Variants in SPATS2L observed in about 807,000 individuals in gnomAD.
SPATS2L encodes spermatogenesis associated serine rich 2 like.
SPATS2L carries 30 observed loss-of-function variants against 59.6 expected under a neutral mutation model. That is an observed-to-expected ratio of 0.50 (90% CI 0.38 to 0.68). The LOEUF (loss-of-function observed/expected upper bound fraction) is 0.68, where lower values mean the gene tolerates loss of function less well. SPATS2L is among the 30% of genes least tolerant of loss of function. The pLI is 0.00. For synonymous variants in SPATS2L, 252 were observed against 263.5 expected (o/e 0.96, Z 0.42); for missense variants, 615 against 700.0 (o/e 0.88, Z 1.37).
intron 8 of SPATS2L, among the ~76,000 whole-genome samples, chr2:200,449,087 A>G (rs986181756): frequency 6.6e-6 from 1 of 152,200 alleles, no homozygotes; most frequent in African/African-American, 2.4e-5. Flanking sequence ...TATATTTCAA[A>G]TCTTGCCTCA....
At position 200,306,855 on chromosome 2, in the gene SPATS2L, C is replaced by G; in HGVS notation, c.-140C>G. ...AGGGGCCGCCACCGCCGCGGCGCCT[C>G]CCCTGGCGACCGCGCCCCCGGGCCC... On this transcript the variant is annotated 5_prime_UTR_variant, in exon 1 of 13. Transcript: ENST00000409140. 17 of 980,868 alleles carry G rather than the reference C, an allele frequency of 1.7e-5. No homozygotes were observed. Among genetic ancestry groups the G allele is most frequent in the South Asian group, 4.7e-5 (1 of 21,272 alleles). The allele number at this position is 980,868 out of a possible 1,614,324, so 60.8% of individuals were successfully genotyped here.
intron 12 of SPATS2L, 138 bp from the exon 13 acceptor site, chr2:200,477,498 C>T (rs2087618720): frequency 7.0e-6 from 4 of 575,448 alleles, no homozygotes; most frequent in Admixed American, 5.1e-5. Flanking sequence ...TTCATGTTTT[C>T]TGATTCTTCT....
At chr2:200,391,280 C>T (rs1163026772) in intron 3 of SPATS2L, among the ~76,000 whole-genome samples, 3 of 152,134 alleles carry the variant, frequency 2.0e-5, no homozygotes, top group Non-Finnish European at 2.9e-5. Flanking sequence ...AATGGTTGTC[C>T]GTCATTACTT....
intron 8 of SPATS2L, among the ~76,000 whole-genome samples, chr2:200,451,904 G>A (rs1188494259): frequency 6.6e-6 from 1 of 151,898 alleles, no homozygotes; most frequent in African/African-American, 2.4e-5. Flanking sequence ...AGACAAAGGG[G>A]CATTTTGCTT....
upstream of SPATS2L, chr2:200,306,454 G>C (rs1227285382): frequency 1.0e-6 from 1 of 1,002,334 alleles, no homozygotes; most frequent in Non-Finnish European, 1.2e-6. Flanking sequence ...CTAGAAAGTG[G>C]GGTGGGAAAG....
chr2:200,433,910 A>T (rs1235656150), intron 6 of SPATS2L, among the ~76,000 whole-genome samples: 2 of 152,038 alleles, frequency 1.3e-5, no homozygotes, highest in African/African-American at 4.8e-5. Context: ...AGTTTCAGAA[A>T]ATAGAAAGAA....
At chr2:200,376,816 C>A (rs2081615831) in intron 2 of SPATS2L, among the ~76,000 whole-genome samples, 1 of 152,238 alleles carries the variant, frequency 6.6e-6, no homozygotes, top group African/African-American at 2.4e-5. Context: ...AGGCCCCTAG[C>A]TTCGGGCCGC....
At chr2:200,426,578 T>C (rs936188369) in intron 6 of SPATS2L, among the ~76,000 whole-genome samples, 2 of 151,926 alleles carry the variant, frequency 1.3e-5, no homozygotes, top group Non-Finnish European at 1.5e-5. Flanking sequence ...AACTTAAAAA[T>C]TAGCAGGGTG....
intron 8 of SPATS2L, 121 bp downstream of exon 8, chr2:200,440,905 A>G: frequency 9.0e-7 from 1 of 1,116,256 alleles, no homozygotes. Context: ...ACTCTCCAGC[A>G]AATTTTGTTA....
chr2:200,467,358 A>G lies in SPATS2L; in HGVS notation c.916A>G (p.Met306Val). ...GAGACTCACTGACCTTGCCAGTCAG[A>G]TGGCAGAGATGCAGCTGGCCGAACT... ...LKRLTDLASQ[M>V]AEMQLAELRA... is the part of the protein sequence containing the mutation. The change falls in exon 10 of 13, where the codon ATG (methionine) becomes GTG (valine). Residue 306 changes from methionine to valine, a missense_variant. Physicochemically the swap from Met to Val is conservative, Grantham distance 21. Coordinates refer to ENST00000409140, the MANE Select transcript of SPATS2L (RefSeq NM_001100423.2). 5.0e-6 allele frequency: 8 copies of G among 1,614,062 alleles called. No individual in the cohort carries two copies. The highest frequency in any genetic ancestry group is 6.8e-6 in the Non-Finnish European group (8 of 1,179,872).
At chr2:200,428,289 A>G (rs184403998) in intron 6 of SPATS2L, among the ~76,000 whole-genome samples, 14 of 152,276 alleles carry the variant, frequency 9.2e-5, no homozygotes, top group Non-Finnish European at 1.8e-4. Flanking sequence ...GAATCTAGCC[A>G]TTGTTTTTTA....
At chr2:200,424,734 C>T (rs2083458976) in intron 6 of SPATS2L, among the ~76,000 whole-genome samples, 1 of 152,156 alleles carries the variant, frequency 6.6e-6, no homozygotes, top group Non-Finnish European at 1.5e-5. Flanking sequence ...GGACACAATT[C>T]CCATTGAATA....
At chr2:200,439,625 G>A (rs1173930322) in intron 7 of SPATS2L, among the ~76,000 whole-genome samples, 1 of 152,162 alleles carries the variant, frequency 6.6e-6, no homozygotes, top group Non-Finnish European at 1.5e-5. Context: ...ATCTTATAAA[G>A]CAAGTGCTCA....
At chr2:200,380,161 C>T (rs1019547907) in intron 2 of SPATS2L, among the ~76,000 whole-genome samples, 1 of 152,222 alleles carries the variant, frequency 6.6e-6, no homozygotes, top group Non-Finnish European at 1.5e-5. Flanking sequence ...TGTGCTTGCA[C>T]TGCCTCAGAT....
chr2:200,309,105 T>G, intron 1 of SPATS2L: 1 of 717,874 alleles, frequency 1.4e-6, no homozygotes, highest in South Asian at 1.5e-5. Flanking sequence ...GTGGTAAGCT[T>G]TTACATCAGA....
chr2:200,308,691 A>G (rs2079103327), intron 1 of SPATS2L, among the ~76,000 whole-genome samples: 1 of 152,240 alleles, frequency 6.6e-6, no homozygotes, highest in Non-Finnish European at 1.5e-5. Flanking sequence ...GCATAAAAAT[A>G]CAATCACTTG....
At chr2:200,433,424 T>G (rs1238315397) in intron 6 of SPATS2L, among the ~76,000 whole-genome samples, 3 of 152,126 alleles carry the variant, frequency 2.0e-5, no homozygotes, top group Non-Finnish European at 1.5e-5. Context: ...AAAATTAGTT[T>G]CAAATTTTAA....
At chr2:200,416,476 T>A in intron 5 of SPATS2L, 48 bp downstream of exon 5, 1 of 1,092,744 alleles carries the variant, frequency 9.2e-7, no homozygotes, top group Non-Finnish European at 1.3e-6. Context: ...AATCAAAACC[T>A]TCATGGTTGT....
At chr2:200,363,420 C>T (rs1216075606) in intron 2 of SPATS2L, among the ~76,000 whole-genome samples, 1 of 152,180 alleles carries the variant, frequency 6.6e-6, no homozygotes, top group Non-Finnish European at 1.5e-5. Context: ...CCCTGGTTTT[C>T]CTCTCAACCT....
Sources: gnomAD v4.1 joint callset for allele counts (sites outside exome capture counted in the v4.1 genomes callset) on GRCh38, gnomAD v4.1.1 for gene constraint, MANE v1.5 for transcripts, NCBI Gene and HGNC (gene_info 2026-07-23, HGNC 2026-07-21) for gene names.